Variants in RNF130 observed in about 807,000 individuals in gnomAD.
RNF130 encodes the protein E3 ubiquitin-protein ligase RNF130.
In RNF130, 21 loss-of-function variants were observed where a neutral mutation model predicts 44.6. That is an observed-to-expected ratio of 0.47 (90% CI 0.33 to 0.68). RNF130 has a LOEUF of 0.68. Among genes scored for constraint, RNF130 ranks in the 30% least tolerant of loss-of-function variants. RNF130 has a pLI of 0.02. For synonymous variants in RNF130, 214 were observed against 210.4 expected (o/e 1.02, Z -0.15); for missense variants, 479 against 560.6 (o/e 0.85, Z 1.47).
chr5:180,031,114 G>T (rs930807139), intron 2 of RNF130, among the ~76,000 whole-genome samples: 1 of 152,134 alleles, frequency 6.6e-6, no homozygotes, highest in African/African-American at 2.4e-5. Flanking sequence ...TTATATAACA[G>T]CATATAACAT....
At chr5:179,966,373 T>C (rs1762445943) in intron 7 of RNF130, among the ~76,000 whole-genome samples, 1 of 152,170 alleles carries the variant, frequency 6.6e-6, no homozygotes, top group Non-Finnish European at 1.5e-5. Flanking sequence ...CTGTGAATTT[T>C]TAGGTTCAAG....
chr5:179,952,755 C>T (rs11953118), downstream of RNF130, among the ~76,000 whole-genome samples: 3,412 of 152,184 alleles, frequency 0.022, 133 homozygotes, highest in African/African-American at 0.078. Context: ...CATGATCATC[C>T]CAATAGACAC....
intron 3 of RNF130, 81 bp downstream of exon 3, chr5:180,012,980 T>A (rs776959886): frequency 6.8e-7 from 1 of 1,464,130 alleles, no homozygotes; most frequent in African/African-American, 1.4e-5. Context: ...AGAAAAAACA[T>A]GTTAGTAAGA....
intron 7 of RNF130, among the ~76,000 whole-genome samples, chr5:179,928,203 G>A (rs1465264301): frequency 6.6e-6 from 1 of 152,154 alleles, no homozygotes; most frequent in East Asian, 1.9e-4. Context: ...TCCCTCGGAT[G>A]ATGCCTGGGA....
At chr5:180,065,813 GT>G (rs1765093887) in intron 1 of RNF130, among the ~76,000 whole-genome samples, 1 of 57,904 alleles carries the variant, frequency 1.7e-5, no homozygotes, top group South Asian at 1.3e-3. Context: ...AGAAAAAAAT[GT>G]TTCCTTCCTT....
chr5:179,953,692 G>A (rs1276270111), downstream of RNF130, among the ~76,000 whole-genome samples: 3 of 152,106 alleles, frequency 2.0e-5, no homozygotes, highest in Admixed American at 6.6e-5. Context: ...AAGTCTCTGT[G>A]ACCTTAAATT....
At chr5:179,967,118 G>C in intron 6 of RNF130, 108 bp from the exon 7 acceptor site, 1 of 957,544 alleles carries the variant, frequency 1.0e-6, no homozygotes, top group Non-Finnish European at 1.6e-6. Flanking sequence ...ACCTTACCAG[G>C]TTCTTTTCCT....
intron 3 of RNF130, among the ~76,000 whole-genome samples, chr5:180,000,616 A>G (rs975562818): frequency 2.6e-5 from 4 of 152,004 alleles, no homozygotes; most frequent in African/African-American, 7.3e-5. Context: ...TGACTTGTTA[A>G]TTTCAAATAA....
intron 7 of RNF130, chr5:179,920,444 GAA>G (rs1469029031): frequency 2.9e-6 from 2 of 701,678 alleles, no homozygotes; most frequent in Non-Finnish European, 5.2e-6. Flanking sequence ...AGGAAGAAGA[GAA>G]AGAGACTTAA....
chr5:179,932,421 C>T (rs1253386514), intron 7 of RNF130, among the ~76,000 whole-genome samples: 1 of 151,980 alleles, frequency 6.6e-6, no homozygotes, highest in Non-Finnish European at 1.5e-5. Context: ...CCACTCCCGG[C>T]TGATTTTTCT....
intron 2 of RNF130, chr5:180,015,291 TG>T (rs772430750): frequency 1.9e-6 from 1 of 515,740 alleles, no homozygotes; most frequent in South Asian, 1.4e-5. Context: ...CAACGGGCCA[TG>T]ATCTGTGGTA....
chr5:179,937,961 A>G (rs1453313615), intron 7 of RNF130, among the ~76,000 whole-genome samples: 1 of 151,192 alleles, frequency 6.6e-6, no homozygotes. Context: ...AGAGAGAGAG[A>G]GAGAGAGAGA....
downstream of RNF130, among the ~76,000 whole-genome samples, chr5:179,950,161 G>T (rs1057349418): frequency 1.3e-5 from 2 of 152,084 alleles, no homozygotes; most frequent in South Asian, 4.2e-4. Context: ...CCTGGGTGAT[G>T]GAGTGAAATG....
chr5:180,009,655 T>C (rs1416923033), intron 3 of RNF130, among the ~76,000 whole-genome samples: 6 of 152,206 alleles, frequency 3.9e-5, no homozygotes, highest in African/African-American at 1.2e-4. Context: ...CTTTGCAAAA[T>C]GAGTCTAACA....
exon 8 of RNF130, chr5:179,916,329 GTGCCACTGCACTCC>G (rs372403483): frequency 2.0e-5 from 3 of 152,254 alleles, no homozygotes; most frequent in Middle Eastern, 3.4e-3. Flanking sequence ...AGCCATGACT[GTGCCACTGCACTCC>G]TGCCTGGGTG....
chr5:179,963,043 C>T (rs1373182240), intron 8 of RNF130, among the ~76,000 whole-genome samples: 10 of 152,252 alleles, frequency 6.6e-5, no homozygotes, highest in African/African-American at 2.4e-4. Context: ...AGGCACTGGT[C>T]CTGACCACAG....
exon 8 of RNF130, chr5:179,915,278 G>A (rs867344322): frequency 2.0e-5 from 3 of 151,642 alleles, no homozygotes; most frequent in South Asian, 2.1e-4. Context: ...GCAGTGAGCC[G>A]AGACGGCGCT....
At chr5:179,973,327 C>T (rs1009921558) in intron 5 of RNF130, among the ~76,000 whole-genome samples, 8 of 152,176 alleles carry the variant, frequency 5.3e-5, no homozygotes, top group African/African-American at 1.7e-4. Context: ...GAACACGGCA[C>T]CTTTTTCTCC....
chr5:180,005,512 A>G (rs1763446340), intron 3 of RNF130, among the ~76,000 whole-genome samples: 1 of 152,216 alleles, frequency 6.6e-6, no homozygotes, highest in East Asian at 1.9e-4. Context: ...CATGCCCTTC[A>G]TAGTCTAGTG....
Sources: gnomAD v4.1 joint callset for allele counts (sites outside exome capture counted in the v4.1 genomes callset) on GRCh38, gnomAD v4.1.1 for gene constraint, MANE v1.5 for transcripts, NCBI Gene and HGNC (gene_info 2026-07-23, HGNC 2026-07-21) for gene names.